The following PPFIA2 variants were observed in gnomAD, a reference collection of about 807,000 sequenced individuals.
PPFIA2 encodes liprin-alpha-2.
A neutral mutation model predicts 175.5 loss-of-function variants in PPFIA2; 46 were observed. The observed-to-expected ratio is 0.26, with a 90% CI of 0.21 to 0.34. The LOEUF is 0.34. PPFIA2 is among the 10% of genes least tolerant of loss of function. PPFIA2 has a pLI of 1.00. For missense variants in PPFIA2, 1,179 were observed against 1,506.1 expected (o/e 0.78, Z 3.60); for synonymous variants, 568 against 511.4 (o/e 1.11, Z -1.49).
intron 7 of PPFIA2, among the ~76,000 whole-genome samples, chr12:81,427,079 CTCTT>C (rs1457832123): frequency 2.0e-5 from 3 of 151,882 alleles, no homozygotes; most frequent in African/African-American, 4.8e-5. Context: ...CATTTTATGT[CTCTT>C]TCAGTGTAAT....
intron 4 of PPFIA2, among the ~76,000 whole-genome samples, chr12:81,584,805 T>C (rs1254980633): frequency 1.5e-5 from 2 of 132,054 alleles, no homozygotes; most frequent in African/African-American, 2.8e-5. Flanking sequence ...AATATATATA[T>C]TTATTATATA....
chr12:81,601,349 G>A (rs939233860), intron 4 of PPFIA2, among the ~76,000 whole-genome samples: 1 of 151,746 alleles, frequency 6.6e-6, no homozygotes, highest in African/African-American at 2.4e-5. Flanking sequence ...CTGCCTGGTA[G>A]CAATAGGAAA....
chr12:81,405,514 T>C (rs1262420498), intron 8 of PPFIA2, among the ~76,000 whole-genome samples: 13 of 151,860 alleles, frequency 8.6e-5, no homozygotes, highest in Admixed American at 3.3e-4. Flanking sequence ...TTCAATTCTA[T>C]ATAATTTAAA....
chr12:81,741,126 T>C (rs2082267503), intron 3 of PPFIA2, among the ~76,000 whole-genome samples: 1 of 152,300 alleles, frequency 6.6e-6, no homozygotes, highest in Admixed American at 6.5e-5. Context: ...GCAAATCATA[T>C]ACATTCTGAC....
chr12:81,635,709 G>A (rs958272668), intron 4 of PPFIA2, among the ~76,000 whole-genome samples: 1 of 152,100 alleles, frequency 6.6e-6, no homozygotes, highest in African/African-American at 2.4e-5. Context: ...CTCTTTGTAT[G>A]TATTAGTTTG....
At chr12:81,730,567 C>T (rs900009931) in intron 3 of PPFIA2, among the ~76,000 whole-genome samples, 2 of 151,682 alleles carry the variant, frequency 1.3e-5, no homozygotes, top group East Asian at 3.9e-4. Flanking sequence ...TTACCTCAAC[C>T]TGGTCCCACC....
rs184040144 is a variant in PPFIA2, at chr12:81,362,309, T to C, written c.1637+384A>G. Reference sequence around the variant, plus strand: ...TGCATGTTTCTACACTGAACACATATAGAAAATTTTATGTCGAATTCAATT... The same window carrying C: ...TGCATGTTTCTACACTGAACACATACAGAAAATTTTATGTCGAATTCAATT... On this transcript the variant is annotated intron_variant, in intron 15 of 32. Coordinates refer to ENST00000549396, the MANE Select transcript of PPFIA2 (RefSeq NM_003625.5). Among the ~76,000 whole-genome samples, 297 of 151,402 alleles carry C rather than the reference T, an allele frequency of 2.0e-3. 1 individual carries two copies. The highest frequency in any genetic ancestry group is 2.7e-3 in the Non-Finnish European group (181 of 67,542).
At chr12:81,455,291 G>T (rs1180683095) in intron 5 of PPFIA2, among the ~76,000 whole-genome samples, 2 of 152,172 alleles carry the variant, frequency 1.3e-5, no homozygotes, top group Non-Finnish European at 1.5e-5. Context: ...GTGAGAGGTG[G>T]TTATGTAACT....
intron 4 of PPFIA2, among the ~76,000 whole-genome samples, chr12:81,606,917 G>C (rs1466082174): frequency 6.6e-6 from 1 of 152,008 alleles, no homozygotes; most frequent in East Asian, 1.9e-4. Flanking sequence ...TATTTCTTCA[G>C]TTTTATTTTA....
intron 22 of PPFIA2, among the ~76,000 whole-genome samples, chr12:81,316,931 C>A (rs902591013): frequency 1.7e-4 from 26 of 151,416 alleles, no homozygotes; most frequent in African/African-American, 5.8e-4. Context: ...CTCTGGAGAT[C>A]TACATTTTTG....
At chr12:81,271,056 T>A (rs1185114388) in intron 28 of PPFIA2, among the ~76,000 whole-genome samples, 1 of 152,188 alleles carries the variant, frequency 6.6e-6, no homozygotes, top group Non-Finnish European at 1.5e-5. Context: ...TTTTCTATGT[T>A]CTTATATTGA....
At chr12:81,710,080 T>C (rs1005969102) in intron 3 of PPFIA2, among the ~76,000 whole-genome samples, 4 of 152,046 alleles carry the variant, frequency 2.6e-5, no homozygotes, top group African/African-American at 9.6e-5. Flanking sequence ...TTATTTTTTG[T>C]TGATTTCTAA....
At chr12:81,601,482 T>C (rs1200398246) in intron 4 of PPFIA2, among the ~76,000 whole-genome samples, 1 of 152,008 alleles carries the variant, frequency 6.6e-6, no homozygotes, top group African/African-American at 2.4e-5. Flanking sequence ...CCATGAGAGT[T>C]GGAGTTGCTG....
intron 18 of PPFIA2, among the ~76,000 whole-genome samples, chr12:81,346,969 G>C (rs1806794189): frequency 6.6e-6 from 1 of 151,688 alleles, no homozygotes; most frequent in South Asian, 2.1e-4. Context: ...TCACTCTGTT[G>C]CCCAGGCTGG....
At chr12:81,621,498 C>A (rs187103289) in intron 4 of PPFIA2, among the ~76,000 whole-genome samples, 2 of 152,262 alleles carry the variant, frequency 1.3e-5, no homozygotes, top group African/African-American at 2.4e-5. Flanking sequence ...TTGAAAGGAT[C>A]ATTTTAGCTT....
At chr12:81,474,708 C>T (rs1209765432) in intron 4 of PPFIA2, among the ~76,000 whole-genome samples, 2 of 152,118 alleles carry the variant, frequency 1.3e-5, no homozygotes, top group African/African-American at 4.8e-5. Context: ...TACTTTTTGA[C>T]TGTATTCTTT....
intron 3 of PPFIA2, among the ~76,000 whole-genome samples, chr12:81,677,539 C>G (rs2072773719): frequency 6.6e-6 from 1 of 151,880 alleles, no homozygotes; most frequent in Non-Finnish European, 1.5e-5. Context: ...CCATTCTATT[C>G]ACTACCTCCA....
chr12:81,659,637 T>C (rs1369455910), intron 4 of PPFIA2, among the ~76,000 whole-genome samples: 2 of 152,152 alleles, frequency 1.3e-5, no homozygotes, highest in East Asian at 3.9e-4. Flanking sequence ...GGGCAAGGAA[T>C]AGCCAAACAA....
chr12:81,680,317 C>A (rs1056127920), intron 3 of PPFIA2, among the ~76,000 whole-genome samples: 20 of 151,846 alleles, frequency 1.3e-4, no homozygotes, highest in Non-Finnish European at 2.2e-4. Context: ...GACATTAATG[C>A]CATAATAAAC....
Sources: allele counts gnomAD v4.1 joint callset (sites outside exome capture counted in the v4.1 genomes callset), GRCh38; gene constraint gnomAD v4.1.1; transcripts MANE v1.5; gene names NCBI Gene and HGNC (gene_info 2026-07-23, HGNC 2026-07-21).